The following BCKDHB variants were observed in gnomAD, a reference collection of about 807,000 sequenced individuals.
The protein encoded by BCKDHB is 2-oxoisovalerate dehydrogenase subunit beta, mitochondrial.
In BCKDHB, 41 loss-of-function variants were observed where a neutral mutation model predicts 48.5. The ratio of observed to expected loss-of-function variants is 0.85; its 90% CI spans 0.66 to 1.10. The LOEUF (loss-of-function observed/expected upper bound fraction) is 1.10, where lower values mean the gene tolerates loss of function less well. BCKDHB is among the 50% of genes least tolerant of loss of function. The pLI is 0.00. For missense variants in BCKDHB, 496 were observed against 494.2 expected (o/e 1.00, Z -0.03); for synonymous variants, 201 against 174.8 (o/e 1.15, Z -1.18).
At chr6:80,320,395 G>A (rs76818190) in intron 9 of BCKDHB, among the ~76,000 whole-genome samples, 3,202 of 152,226 alleles carry the variant, frequency 0.021, 92 homozygotes, top group East Asian at 0.11. Flanking sequence ...CATCTAAACA[G>A]CCTTTTATGT....
At chr6:80,389,363 C>G in the BCKDHB span, among the ~76,000 whole-genome samples, 1 of 152,228 alleles carries the variant, frequency 6.6e-6, no homozygotes, top group Non-Finnish European at 1.5e-5. Context: ...GAGACCAACA[C>G]TGAGCCCTTG....
At chr6:80,451,733 G>GAA in the BCKDHB span, among the ~76,000 whole-genome samples, 2 of 109,426 alleles carry the variant, frequency 1.8e-5, no homozygotes, top group Non-Finnish European at 4.1e-5. Flanking sequence ...TGTCTCAAAA[G>GAA]AAAAAAAAAA....
chr6:80,438,448 A>C, the BCKDHB span, among the ~76,000 whole-genome samples: 1 of 152,146 alleles, frequency 6.6e-6, no homozygotes, highest in South Asian at 2.1e-4. Flanking sequence ...CATGTGTACA[A>C]ATATTTCTGT....
the BCKDHB span, among the ~76,000 whole-genome samples, chr6:80,428,034 C>A: frequency 6.6e-6 from 1 of 152,034 alleles, no homozygotes; most frequent in Non-Finnish European, 1.5e-5. Flanking sequence ...CCCCCCACCC[C>A]CTCACAGGCC....
chr6:80,225,494 T>C (rs1775643541), intron 8 of BCKDHB, among the ~76,000 whole-genome samples: 1 of 152,178 alleles, frequency 6.6e-6, no homozygotes, highest in Non-Finnish European at 1.5e-5. Flanking sequence ...ATATCAACTA[T>C]AAAATATAGG....
At chr6:80,220,304 G>GTTTTTTTTTTTTTTTTTTTTT (rs56967096) in intron 8 of BCKDHB, among the ~76,000 whole-genome samples, 24 of 60,854 alleles carry the variant, frequency 3.9e-4, no homozygotes, top group East Asian at 1.2e-3. Flanking sequence ...CATGCTATTT[G>GTTTTTTTTTTTTTTTTTTTTT]TTTTTTTTTT....
intron 9 of BCKDHB, among the ~76,000 whole-genome samples, chr6:80,308,896 A>AT: frequency 6.6e-6 from 1 of 151,758 alleles, no homozygotes; most frequent in Non-Finnish European, 1.5e-5. Flanking sequence ...TTTTCTTCTT[A>AT]ACTTGCCTTG....
the BCKDHB span, among the ~76,000 whole-genome samples, chr6:80,366,595 A>G: frequency 1.3e-5 from 2 of 152,252 alleles, no homozygotes; most frequent in East Asian, 3.9e-4. Flanking sequence ...CACTTTTATT[A>G]TGCCATAAAA....
At chr6:80,420,782 G>A in the BCKDHB span, among the ~76,000 whole-genome samples, 1 of 152,200 alleles carries the variant, frequency 6.6e-6, no homozygotes, top group Non-Finnish European at 1.5e-5. Flanking sequence ...TGTTCTGGGT[G>A]GGATGAGGCC....
chr6:80,332,739 T>C (rs3812117), intron 9 of BCKDHB, among the ~76,000 whole-genome samples: 40,526 of 148,474 alleles, frequency 0.27, 5,691 homozygotes, highest in Non-Finnish European at 0.31. Context: ...CAAACTTACA[T>C]CCTACCATAT....
At chr6:80,408,059 A>T in the BCKDHB span, among the ~76,000 whole-genome samples, 5 of 152,140 alleles carry the variant, frequency 3.3e-5, no homozygotes, top group Non-Finnish European at 7.3e-5. Context: ...AGTTTTTAGC[A>T]TGAAGGGGTG....
chr6:80,262,061 G>A (rs1777330261), intron 8 of BCKDHB, among the ~76,000 whole-genome samples: 1 of 152,062 alleles, frequency 6.6e-6, no homozygotes, highest in South Asian at 2.1e-4. Context: ...TGGTGTAGAA[G>A]CTCTGCTGTA....
At chr6:80,401,945 ATATTC>A in the BCKDHB span, among the ~76,000 whole-genome samples, 1 of 151,934 alleles carries the variant, frequency 6.6e-6, no homozygotes, top group African/African-American at 2.4e-5. Flanking sequence ...AAGCTAAATA[ATATTC>A]TATTGCATAT....
intron 6 of BCKDHB, among the ~76,000 whole-genome samples, chr6:80,196,905 C>T (rs573509228): frequency 2.0e-5 from 3 of 152,256 alleles, no homozygotes; most frequent in Admixed American, 1.3e-4. Flanking sequence ...TGCATTTTTA[C>T]AATTTTGGCC....
chr6:80,192,924 T>A (rs57984283), intron 6 of BCKDHB, among the ~76,000 whole-genome samples: 2,999 of 152,002 alleles, frequency 0.02, 92 homozygotes, highest in African/African-American at 0.068. Context: ...GTTCAAGTGA[T>A]TCTTATGCCT....
At chr6:80,274,383 A>G (rs1777883511) in intron 9 of BCKDHB, among the ~76,000 whole-genome samples, 1 of 152,008 alleles carries the variant, frequency 6.6e-6, no homozygotes, top group African/African-American at 2.4e-5. Flanking sequence ...TATATCAATT[A>G]AAATTTAAAA....
chr6:80,356,551 ATTAC>A, the BCKDHB span: 1 of 152,202 alleles, frequency 6.6e-6, no homozygotes, highest in Non-Finnish European at 1.5e-5. Flanking sequence ...TAAAACTAGT[ATTAC>A]TTGTGATTAC....
intron 9 of BCKDHB, among the ~76,000 whole-genome samples, chr6:80,296,580 A>AT (rs1767261731): frequency 6.6e-6 from 1 of 152,212 alleles, no homozygotes; most frequent in African/African-American, 2.4e-5. Flanking sequence ...ATAAAACCTT[A>AT]TAAACAAATC....
intron 2 of BCKDHB, among the ~76,000 whole-genome samples, chr6:80,128,685 G>T (rs955039807): frequency 6.6e-6 from 1 of 152,110 alleles, no homozygotes; most frequent in Admixed American, 6.6e-5. Context: ...ATGAGTCATA[G>T]TTCTGCCTCT....
Sources: gnomAD v4.1 joint callset for allele counts (sites outside exome capture counted in the v4.1 genomes callset) on GRCh38, gnomAD v4.1.1 for gene constraint, MANE v1.5 for transcripts, NCBI Gene and HGNC (gene_info 2026-07-23, HGNC 2026-07-21) for gene names.